Variants in RPGRIP1 observed in about 807,000 individuals in gnomAD.
The protein encoded by RPGRIP1 is X-linked retinitis pigmentosa GTPase regulator-interacting protein 1.
In RPGRIP1, 128 loss-of-function variants were observed where a neutral mutation model predicts 157.9. The observed-to-expected ratio is 0.81, with a 90% CI of 0.70 to 0.94. The LOEUF (loss-of-function observed/expected upper bound fraction) is 0.94, where lower values mean the gene tolerates loss of function less well. Among genes scored for constraint, RPGRIP1 ranks in the 40% least tolerant of loss-of-function variants. The pLI is 0.00. For missense variants in RPGRIP1, 1,486 were observed against 1,545.8 expected (o/e 0.96, Z 0.65); for synonymous variants, 554 against 571.6 (o/e 0.97, Z 0.44).
In RPGRIP1 at chr14:21,343,164, A is replaced by AT; in HGVS notation, c.3468_3469insT (p.Glu1157Ter). The stretch of plus-strand genomic sequence containing the variant: ...TCTACGACCTACCCTTGTCGGAGAC[A>AT]GAGACTCCAGTGTCCCTAAGGAAGC... On this transcript the variant is annotated frameshift_variant, in exon 22 of 25. Coordinates refer to ENST00000400017, the MANE Select transcript of RPGRIP1 (RefSeq NM_020366.4). LOFTEE classifies it high-confidence loss of function. 1.2e-6 allele frequency: 2 copies of AT among 1,613,824 alleles called. No individual in the cohort carries two copies. Among genetic ancestry groups the AT allele is most frequent in the Non-Finnish European group, 1.7e-6 (2 of 1,179,790 alleles).
intron 21 of RPGRIP1, among the ~76,000 whole-genome samples, chr14:21,341,364 A>T (rs1285470030): frequency 6.6e-6 from 1 of 152,134 alleles, no homozygotes; most frequent in Non-Finnish European, 1.5e-5. Flanking sequence ...ACCCCAGATG[A>T]TTCTGATGCA....
intron 20 of RPGRIP1, among the ~76,000 whole-genome samples, chr14:21,333,505 A>G (rs1884002352): frequency 6.6e-6 from 1 of 152,178 alleles, no homozygotes; most frequent in African/African-American, 2.4e-5. Context: ...AACAATTGTC[A>G]TTTCTTTGGC....
intron 24 of RPGRIP1, among the ~76,000 whole-genome samples, chr14:21,349,105 C>T (rs1408444857): frequency 7.9e-6 from 1 of 127,264 alleles, no homozygotes; most frequent in East Asian, 2.3e-4. Flanking sequence ...GAGTCTCTCT[C>T]TGTTGCCCAG....
At chr14:21,285,205 A>G (rs1490911868) in intron 1 of RPGRIP1, among the ~76,000 whole-genome samples, 1 of 151,942 alleles carries the variant, frequency 6.6e-6, no homozygotes, top group East Asian at 1.9e-4. Flanking sequence ...AAGACTGGTA[A>G]GAGAAGGGGA....
At chr14:21,288,179 A>ATTTT in intron 2 of RPGRIP1, 118 bp downstream of exon 2, 1 of 573,122 alleles carries the variant, frequency 1.7e-6, no homozygotes, top group Non-Finnish European at 3.0e-6. Flanking sequence ...CAGTCTTCTC[A>ATTTT]CTTTTTTTTT....
chr14:21,302,719 C>A, intron 5 of RPGRIP1, 135 bp downstream of exon 5: 67 of 466,346 alleles, frequency 1.4e-4, no homozygotes, highest in Non-Finnish European at 1.6e-4. Flanking sequence ...GACCCTAGGT[C>A]AAATTCCAAC....
chr14:21,308,727 G>C (rs561009236), intron 7 of RPGRIP1, among the ~76,000 whole-genome samples: 1 of 152,200 alleles, frequency 6.6e-6, no homozygotes, highest in Non-Finnish European at 1.5e-5. Flanking sequence ...TGAGACAGAG[G>C]GAGAAGGACT....
intron 21 of RPGRIP1, among the ~76,000 whole-genome samples, chr14:21,341,487 G>A (rs773715967): frequency 1.3e-5 from 2 of 152,122 alleles, no homozygotes; most frequent in African/African-American, 2.4e-5. Flanking sequence ...AGAAGTAAGG[G>A]CATTGGCCTG....
intron 2 of RPGRIP1, 43 bp from the exon 3 acceptor site, chr14:21,294,634 A>G: frequency 6.3e-7 from 1 of 1,597,716 alleles, no homozygotes; most frequent in Non-Finnish European, 8.6e-7. Flanking sequence ...TTCAAAAAAT[A>G]GGTGTAAAAA....
At chr14:21,326,246 TTTGA>T (rs1203447699) in intron 17 of RPGRIP1, 73 bp downstream of exon 17, 4 of 994,888 alleles carry the variant, frequency 4.0e-6, no homozygotes, top group Non-Finnish European at 5.9e-6. Flanking sequence ...TCTACTTTTC[TTTGA>T]TTACTTGCTT....
chr14:21,328,174 A>G (rs1883316355), intron 18 of RPGRIP1, among the ~76,000 whole-genome samples: 1 of 152,170 alleles, frequency 6.6e-6, no homozygotes, highest in Non-Finnish European at 1.5e-5. Flanking sequence ...TGTCTCAAAA[A>G]AAAAAAGAAA....
chr14:21,329,801 G>A (rs1347663607), intron 19 of RPGRIP1, among the ~76,000 whole-genome samples: 1 of 150,412 alleles, frequency 6.6e-6, no homozygotes, highest in Non-Finnish European at 1.5e-5. Flanking sequence ...CGGCCAACGA[G>A]TACTAACTTT....
At position 21,321,924 on chromosome 14, in the gene RPGRIP1, TGACTC is replaced by T. The variant is rs1882523438; in HGVS notation, c.1687_1691del (p.Arg563ThrfsTer6). The T allele has an allele frequency of 6.2e-7, 1 of 1,613,572 alleles. No individual in the cohort carries two copies. The highest frequency in any genetic ancestry group is 1.3e-5 in the African/African-American group (1 of 74,896). On this transcript the variant is annotated frameshift_variant, in exon 14 of 25. Transcript: ENST00000400017. LOFTEE classifies it high-confidence loss of function. Reference sequence around the variant, plus strand: ...GATCACAAAGAAAAGCTGGAGAGGTTGACTCGACTACTAGACCTCAAGAATAACCG... The same window carrying T: ...GATCACAAAGAAAAGCTGGAGAGGTTGACTACTAGACCTCAAGAATAACCG...
intron 6 of RPGRIP1, among the ~76,000 whole-genome samples, chr14:21,305,160 G>A (rs1448236630): frequency 1.3e-5 from 2 of 152,094 alleles, no homozygotes; most frequent in Non-Finnish European, 2.9e-5. Context: ...CATCATTATA[G>A]CATCATACAG....
At chr14:21,328,069 T>C (rs1390667920) in intron 18 of RPGRIP1, among the ~76,000 whole-genome samples, 2 of 151,954 alleles carry the variant, frequency 1.3e-5, no homozygotes. Flanking sequence ...ACTGGGAGGC[T>C]GAGGCAGGAG....
At position 21,307,632 on chromosome 14, in the gene RPGRIP1, A is replaced by G. The variant is rs1201992441; in HGVS notation, c.801-99A>G. The G allele has an allele frequency of 2.0e-5, 15 of 734,332 alleles. No individual in the cohort carries two copies. In the East Asian group the frequency reaches 3.8e-4, roughly 19 times the overall value. 45.5% of individuals were successfully genotyped at this position (734,332 alleles called of 1,614,324 possible). ...AGTGTGGGTAAGACGGGAAGGCAAG[A>G]GACAAGAGGGAGGTATTCTTACTAG... On this transcript the variant is annotated intron_variant, in intron 6 of 24. Transcript: ENST00000400017.
intron 3 of RPGRIP1, among the ~76,000 whole-genome samples, chr14:21,299,561 C>T (rs934170232): frequency 6.6e-6 from 1 of 151,986 alleles, no homozygotes; most frequent in African/African-American, 2.4e-5. Context: ...CAGTGTAACC[C>T]CACTGTTCTA....
intron 21 of RPGRIP1, among the ~76,000 whole-genome samples, chr14:21,340,804 GCTTA>G (rs2139323831): frequency 6.6e-6 from 1 of 152,136 alleles, no homozygotes; most frequent in Non-Finnish European, 1.5e-5. Flanking sequence ...AAGAAACCAG[GCTTA>G]CTATTAACAT....
At chr14:21,306,465 T>G (rs918881911) in intron 6 of RPGRIP1, among the ~76,000 whole-genome samples, 8 of 151,426 alleles carry the variant, frequency 5.3e-5, no homozygotes, top group African/African-American at 1.9e-4. Context: ...TTTTATTTTA[T>G]TTTTATTTTC....
Sources: allele counts gnomAD v4.1 joint callset (sites outside exome capture counted in the v4.1 genomes callset), GRCh38; gene constraint gnomAD v4.1.1; transcripts MANE v1.5; gene names NCBI Gene and HGNC (gene_info 2026-07-23, HGNC 2026-07-21).